The following GAB2 variants were observed in gnomAD, a reference collection of about 807,000 sequenced individuals.
The protein encoded by GAB2 is GRB2-associated-binding protein 2.
GAB2 carries 26 observed loss-of-function variants against 65.5 expected under a neutral mutation model. The observed-to-expected ratio is 0.40, with a 90% CI of 0.29 to 0.55. The LOEUF (loss-of-function observed/expected upper bound fraction) is 0.55. Ranked by LOEUF, GAB2 falls within the 20% of genes least tolerant of loss-of-function variation. The pLI is 0.53. For synonymous variants in GAB2, 321 were observed against 329.6 expected, an observed-to-expected ratio of 0.97 and a Z score of 0.28; for missense variants, 884 against 875.8, an observed-to-expected ratio of 1.01 and a Z score of -0.12.
At chr11:78,413,586 G>A (rs537321474) in intron 1 of GAB2, among the ~76,000 whole-genome samples, 2 of 152,260 alleles carry the variant, frequency 1.3e-5, no homozygotes, top group East Asian at 1.9e-4. Flanking sequence ...TGAGAAGAAG[G>A]TGGGAGAAAG....
intron 1 of GAB2, among the ~76,000 whole-genome samples, chr11:78,289,658 G>T (rs532641370): frequency 1.4e-4 from 22 of 151,910 alleles, no homozygotes; most frequent in African/African-American, 4.8e-4. Flanking sequence ...GACATAATAC[G>T]CTAGTAGACC....
chr11:78,358,998 T>C (rs1462318180), intron 1 of GAB2, among the ~76,000 whole-genome samples: 8 of 152,132 alleles, frequency 5.3e-5, no homozygotes, highest in African/African-American at 1.7e-4. Context: ...ACAGATTAAA[T>C]AGAGCTAAAG....
chr11:78,337,106 C>A (rs142468218), intron 1 of GAB2, among the ~76,000 whole-genome samples: 2 of 152,166 alleles, frequency 1.3e-5, no homozygotes, highest in Non-Finnish European at 2.9e-5. Flanking sequence ...ACCAGCCTTG[C>A]GATTAAATGC....
intron 1 of GAB2, among the ~76,000 whole-genome samples, chr11:78,312,038 T>C (rs1855509960): frequency 6.6e-6 from 1 of 152,048 alleles, no homozygotes; most frequent in African/African-American, 2.4e-5. Flanking sequence ...CCAACCTTCC[T>C]CCCATGTCTA....
At chr11:78,249,214 G>C (rs1865380602) in intron 3 of GAB2, among the ~76,000 whole-genome samples, 1 of 152,162 alleles carries the variant, frequency 6.6e-6, no homozygotes, top group Admixed American at 6.5e-5. Context: ...TTAAAATGGA[G>C]ATAAATTTTG....
intron 1 of GAB2, among the ~76,000 whole-genome samples, chr11:78,405,090 GATTT>G (rs1565187281): frequency 1.4e-5 from 2 of 140,714 alleles, no homozygotes; most frequent in African/African-American, 5.3e-5. Flanking sequence ...AAAAAACATG[GATTT>G]TTTTTTTTTT....
intron 1 of GAB2, among the ~76,000 whole-genome samples, chr11:78,316,821 G>A (rs187410225): frequency 1.3e-5 from 2 of 152,204 alleles, no homozygotes; most frequent in South Asian, 2.1e-4. Flanking sequence ...GAACACAAAC[G>A]GAATATTTTT....
At chr11:78,283,318 T>C (rs60809110) in intron 1 of GAB2, among the ~76,000 whole-genome samples, 5,885 of 152,254 alleles carry the variant, frequency 0.039, 353 homozygotes, top group African/African-American at 0.13. Flanking sequence ...CCAACCTTTT[T>C]CCATTTGTGC....
At chr11:78,270,074 C>T (rs1348913076) in intron 2 of GAB2, among the ~76,000 whole-genome samples, 2 of 152,080 alleles carry the variant, frequency 1.3e-5, no homozygotes, top group East Asian at 1.9e-4. Flanking sequence ...GTACAGATAG[C>T]ACTGAGCACT....
chr11:78,241,559 A>G (rs950831978), intron 3 of GAB2, among the ~76,000 whole-genome samples: 1 of 152,170 alleles, frequency 6.6e-6, no homozygotes, highest in Non-Finnish European at 1.5e-5. Flanking sequence ...CAATTCAAAG[A>G]AATTAGGAAA....
chr11:78,294,674 C>G (rs1866777061), intron 1 of GAB2, among the ~76,000 whole-genome samples: 1 of 152,184 alleles, frequency 6.6e-6, no homozygotes, highest in South Asian at 2.1e-4. Flanking sequence ...GCTGGGGAAA[C>G]TGGCTAGCCA....
chr11:78,411,497 G>A (rs1418799576), intron 1 of GAB2, among the ~76,000 whole-genome samples: 1 of 152,128 alleles, frequency 6.6e-6, no homozygotes, highest in Non-Finnish European at 1.5e-5. Context: ...TATTTGCAGA[G>A]GGACAGACAC....
At chr11:78,260,698 C>T (rs1164088287) in intron 2 of GAB2, among the ~76,000 whole-genome samples, 1 of 152,188 alleles carries the variant, frequency 6.6e-6, no homozygotes, top group Non-Finnish European at 1.5e-5. Flanking sequence ...TCTCAAACTT[C>T]TGACCTCAGG....
At chr11:78,256,901 C>T (rs1363338531) in intron 2 of GAB2, among the ~76,000 whole-genome samples, 15 of 152,060 alleles carry the variant, frequency 9.9e-5, no homozygotes, top group Non-Finnish European at 2.9e-5. Flanking sequence ...ACCCAAAACA[C>T]AAGAAGAAAA....
Position 78,280,935 on chromosome 11 carries a change from G to T in GAB2, c.76-34C>A, listed in dbSNP as rs546578924. 4.5e-6 allele frequency: 7 copies of T among 1,557,318 alleles called. No homozygotes were observed. The African/African-American group carries it at 6.8e-5, about 15-fold the overall frequency. ...TATCAGGAAGGAGTAAGAAGAGGGG[G>T]AAGAAGTCATTAGTTATTTCAAAGC... On this transcript the variant is annotated intron_variant, in intron 1 of 9. Transcript: ENST00000361507.
intron 1 of GAB2, among the ~76,000 whole-genome samples, chr11:78,308,545 G>T (rs1203417727): frequency 6.6e-6 from 1 of 152,186 alleles, no homozygotes; most frequent in African/African-American, 2.4e-5. Context: ...ATCAGATCAA[G>T]ATTTTAAGAA....
intron 1 of GAB2, among the ~76,000 whole-genome samples, chr11:78,332,927 C>T (rs955788082): frequency 1.3e-5 from 2 of 152,124 alleles, no homozygotes; most frequent in Non-Finnish European, 2.9e-5. Flanking sequence ...TTGTCTTATA[C>T]CTGCAGAGCC....
intron 1 of GAB2, among the ~76,000 whole-genome samples, chr11:78,301,330 G>GTTTTTTTTTTTTTTTTTT (rs373415325): frequency 6.9e-6 from 1 of 145,724 alleles, no homozygotes; most frequent in African/African-American, 2.6e-5. Context: ...GTATCTTGTG[G>GTTTTTTTTTTTTTTTTTT]TTTTTTGTTT....
intron 1 of GAB2, among the ~76,000 whole-genome samples, chr11:78,296,620 A>G (rs1358585525): frequency 6.6e-6 from 1 of 151,692 alleles, no homozygotes; most frequent in Non-Finnish European, 1.5e-5. Flanking sequence ...ACTTGTTTAC[A>G]GGATGAGAGG....
Sources: allele counts gnomAD v4.1 joint callset (sites outside exome capture counted in the v4.1 genomes callset), GRCh38; gene constraint gnomAD v4.1.1; transcripts MANE v1.5; gene names NCBI Gene and HGNC (gene_info 2026-07-23, HGNC 2026-07-21).